Variants in ITPRID1 observed in about 807,000 individuals in gnomAD.
ITPRID1 encodes protein ITPRID1.
ITPRID1 carries 96 observed loss-of-function variants against 95.4 expected under a neutral mutation model. The ratio of observed to expected loss-of-function variants is 1.01; its 90% confidence interval spans 0.85 to 1.19. The LOEUF (loss-of-function observed/expected upper bound fraction) is 1.19, where lower values mean the gene tolerates loss of function less well. Among genes scored for constraint, ITPRID1 ranks in the 50% most tolerant of loss-of-function variants. ITPRID1 has a pLI of 0.00. For synonymous variants in ITPRID1, 510 were observed against 453.6 expected, an observed-to-expected ratio of 1.12 and a Z score of -1.58; for missense variants, 1,339 against 1,252.9, an observed-to-expected ratio of 1.07 and a Z score of -1.04.
chr7:31,549,550 A>T, intron 2 of ITPRID1, 51 bp downstream of exon 2: 1 of 1,355,714 alleles, frequency 7.4e-7, no homozygotes, highest in Non-Finnish European at 1.0e-6. Context: ...AACTCCATAA[A>T]GTGTTTATTT....
intron 1 of ITPRID1, among the ~76,000 whole-genome samples, chr7:31,519,620 C>CTCTCTCTCTCTCTCTATATATATA: frequency 2.8e-4 from 7 of 25,266 alleles, no homozygotes; most frequent in Admixed American, 5.9e-4. Flanking sequence ...CTCTCTCTCT[C>CTCTCTCTCTCTCTCTATATATATA]TATATATATA....
chr7:31,587,428 AC>A (rs1443794922), intron 10 of ITPRID1, among the ~76,000 whole-genome samples: 2 of 151,528 alleles, frequency 1.3e-5, no homozygotes, highest in Non-Finnish European at 2.9e-5. Flanking sequence ...AATCCAACTT[AC>A]AAGGGATGTG....
At chr7:31,576,870 C>T (rs1482994814) in intron 8 of ITPRID1, among the ~76,000 whole-genome samples, 1 of 151,974 alleles carries the variant, frequency 6.6e-6, no homozygotes, top group Admixed American at 6.6e-5. Flanking sequence ...CAAAATATTC[C>T]ATTTTTGTTA....
intron 1 of ITPRID1, among the ~76,000 whole-genome samples, chr7:31,519,620 CTATA>C (rs750544823): frequency 0.032 from 800 of 25,174 alleles, 55 homozygotes; most frequent in Middle Eastern, 0.068. Context: ...CTCTCTCTCT[CTATA>C]TATATATATA....
At chr7:31,567,635 G>T (rs1049756210) in intron 5 of ITPRID1, among the ~76,000 whole-genome samples, 2 of 149,640 alleles carry the variant, frequency 1.3e-5, no homozygotes, top group Non-Finnish European at 2.9e-5. Flanking sequence ...AGGCTTGAGC[G>T]CAGTGGCGCA....
chr7:31,594,947 A>G (rs551001443), intron 10 of ITPRID1, among the ~76,000 whole-genome samples: 140 of 151,514 alleles, frequency 9.2e-4, no homozygotes, highest in African/African-American at 3.3e-3. Context: ...ATAAAAATAT[A>G]TTAATTAATT....
intron 1 of ITPRID1, among the ~76,000 whole-genome samples, chr7:31,547,650 T>G (rs1156288842): frequency 6.6e-6 from 1 of 152,054 alleles, no homozygotes. Context: ...AGCTCCTTCT[T>G]TTTTTTAGTG....
intron 1 of ITPRID1, among the ~76,000 whole-genome samples, chr7:31,529,105 AGACT>A (rs1361167771): frequency 3.3e-5 from 5 of 152,214 alleles, no homozygotes; most frequent in Non-Finnish European, 5.9e-5. Context: ...ATGGATGATA[AGACT>A]GACTGTTAGT....
chr7:31,560,700 T>A (rs184367142), intron 5 of ITPRID1, among the ~76,000 whole-genome samples: 12 of 152,266 alleles, frequency 7.9e-5, no homozygotes, highest in Non-Finnish European at 1.8e-4. Flanking sequence ...TTTATTGGGA[T>A]GGGAAAAACA....
At chr7:31,567,278 G>A (rs193239778) in intron 5 of ITPRID1, among the ~76,000 whole-genome samples, 1 of 152,136 alleles carries the variant, frequency 6.6e-6, no homozygotes, top group East Asian at 1.9e-4. Flanking sequence ...TTTATTATGA[G>A]CATTTATATA....
intron 10 of ITPRID1, among the ~76,000 whole-genome samples, chr7:31,637,412 T>TA (rs1368536320): frequency 6.6e-6 from 1 of 152,184 alleles, no homozygotes; most frequent in Non-Finnish European, 1.5e-5. Flanking sequence ...TTTCCTGACT[T>TA]TTTAATGATC....
At chr7:31,540,093 AC>A (rs1783885591) in intron 1 of ITPRID1, among the ~76,000 whole-genome samples, 1 of 152,104 alleles carries the variant, frequency 6.6e-6, no homozygotes, top group African/African-American at 2.4e-5. Flanking sequence ...TATAAAAAGG[AC>A]GAGCAGTGGT....
In ITPRID1 at chr7:31,578,367, A is replaced by G. The variant is rs747089263; in HGVS notation, c.1103A>G (p.Gln368Arg). Reference sequence around the variant, plus strand: ...AGAACTCAGAAGGAGAACTTATTTCAGACTAACAAGCTCAAGAGCTTGTCT... The same window carrying G: ...AGAACTCAGAAGGAGAACTTATTTCGGACTAACAAGCTCAAGAGCTTGTCT... ...KGRTQKENLF[Q>R]TNKLKSLSHL... Residue 368 changes from glutamine (Q) to arginine (R), a missense_variant, in exon 9 of 15, where the codon CAG becomes CGG. By Grantham distance (43) the Gln-to-Arg change is conservative (BLOSUM62 1). Transcript: ENST00000615280. 3.1e-6 allele frequency: 5 copies of G among 1,613,656 alleles called. No homozygotes were observed. In the Admixed American group the frequency reaches 5.0e-5, roughly 16 times the overall value.
intron 5 of ITPRID1, 37 bp from the exon 6 acceptor site, chr7:31,569,721 G>T (rs904496488): frequency 1.3e-6 from 2 of 1,541,410 alleles, no homozygotes; most frequent in South Asian, 2.4e-5. Context: ...AAGATAAAAC[G>T]AAATAAAGTT....
At chr7:31,531,887 A>G (rs982642652) in intron 1 of ITPRID1, among the ~76,000 whole-genome samples, 14 of 152,022 alleles carry the variant, frequency 9.2e-5, no homozygotes, top group African/African-American at 3.4e-4. Context: ...TGGGTCAGGG[A>G]GATGAGGAAC....
intron 7 of ITPRID1, among the ~76,000 whole-genome samples, chr7:31,573,431 G>C (rs1056256677): frequency 2.6e-5 from 4 of 152,000 alleles, no homozygotes; most frequent in African/African-American, 9.7e-5. Flanking sequence ...TGAACATGAT[G>C]CTGGTTGTAT....
intron 2 of ITPRID1, 27 bp downstream of exon 2, chr7:31,549,526 T>G: frequency 6.7e-7 from 1 of 1,487,414 alleles, no homozygotes; most frequent in South Asian, 1.3e-5. Flanking sequence ...TATTTTTCAT[T>G]AAATTTTCCC....
chr7:31,655,875 A>G lies in ITPRID1; in HGVS notation c.*3046A>G. On this transcript the variant is annotated 3_prime_UTR_variant, in exon 15 of 15. Transcript: ENST00000615280. ...TCCCTGTAACGCCTACGGAATGAAG[A>G]GGAACACCTGGCTCTAGGATGTCCC... The G allele has an allele frequency of 2.0e-6, 2 of 985,530 alleles. No individual in the cohort carries two copies. The highest frequency in any genetic ancestry group is 2.4e-6 in the Non-Finnish European group (2 of 829,982). 61.0% of individuals were successfully genotyped at this position (985,530 alleles called of 1,614,324 possible).
chr7:31,621,743 T>C (rs1001999306), intron 10 of ITPRID1, among the ~76,000 whole-genome samples: 4 of 144,384 alleles, frequency 2.8e-5, no homozygotes, highest in Non-Finnish European at 3.1e-5. Flanking sequence ...CAGGATCAAA[T>C]TCACACATAA....
Sources: allele counts gnomAD v4.1 joint callset (sites outside exome capture counted in the v4.1 genomes callset), GRCh38; gene constraint gnomAD v4.1.1; transcripts MANE v1.5; gene names NCBI Gene and HGNC (gene_info 2026-07-23, HGNC 2026-07-21).